The following MED24 variants were observed in gnomAD, a reference collection of about 807,000 sequenced individuals.
MED24 encodes the protein mediator complex subunit 24, also known as mediator of RNA polymerase II transcription subunit 24.
MED24 carries 74 observed loss-of-function variants against 118.8 expected under a neutral mutation model. The observed-to-expected ratio is 0.62, with a 90% confidence interval of 0.52 to 0.76. The LOEUF (loss-of-function observed/expected upper bound fraction) is 0.76, where lower values mean the gene tolerates loss of function less well. MED24 is among the 30% of genes least tolerant of loss of function. The pLI is 0.00. For synonymous variants in MED24, 521 were observed against 523.9 expected, an observed-to-expected ratio of 0.99 and a Z score of 0.08; for missense variants, 1,041 against 1,278.9, an observed-to-expected ratio of 0.81 and a Z score of 2.84.
intron 3 of MED24, among the ~76,000 whole-genome samples, chr17:40,043,382 G>A (rs1342198429): frequency 1.3e-5 from 2 of 152,188 alleles, no homozygotes; most frequent in African/African-American, 2.4e-5. Flanking sequence ...CCAGGTTCAA[G>A]AGGCTGAAGG....
At chr17:40,029,483 C>A (rs1485225797) in intron 13 of MED24, among the ~76,000 whole-genome samples, 2 of 152,212 alleles carry the variant, frequency 1.3e-5, no homozygotes, top group Non-Finnish European at 2.9e-5. Flanking sequence ...CAGGCGTGAG[C>A]CACCGCACCC....
Position 40,033,127 on chromosome 17 carries a change from C to T in MED24, c.751G>A (p.Glu251Lys), listed in dbSNP as rs1192817286. ...TCGCCTGTCAGGTTCATGGTGCCCT[C>T]GAGCAGGATCACGGCGTGGACAGTG... ...FPTVHAVILLEGTMNLTGETQ... is the reference protein window; with the variant it reads ...FPTVHAVILLKGTMNLTGETQ... Residue 251 changes from glutamate (E) to lysine (K), a missense_variant, in exon 8 of 26, where the codon GAG (glutamate) becomes AAG (lysine). Glu to Lys is a moderately conservative substitution (Grantham distance 56). Around this residue, in one of 3 missense-constraint regions of MED24, gnomAD observed 434 missense variants for 514.9 expected, o/e 0.84. Transcript: ENST00000394128. The surrounding 1 kb of genome is among the most constrained non-coding windows in gnomAD (Gnocchi z 5.2). 7.4e-6 allele frequency: 12 copies of T among 1,614,042 alleles called. No homozygotes were observed. The highest frequency in any genetic ancestry group is 4.0e-5 in the African/African-American group (3 of 74,936).
chr17:40,023,755 G>C, intron 19 of MED24: 1 of 213,602 alleles, frequency 4.7e-6, no homozygotes, highest in Non-Finnish European at 9.3e-6. Context: ...CTTCCCCCTA[G>C]GCTGAGTGCT....
Position 40,053,360 on chromosome 17 carries a change from T to C in MED24, c.151A>G (p.Met51Val), listed in dbSNP as rs1167861218. 1.2e-6 allele frequency: 2 copies of C among 1,613,312 alleles called. No individual in the cohort carries two copies. The highest frequency in any genetic ancestry group is 1.7e-6 in the Non-Finnish European group (2 of 1,179,508). ...NLADALLEQA[M>V]IGPSPNPLIL... ...AGAGGATTGGGGGATGGTCCAATCA[T>C]GGCCTGCTCTAGTAACGCATCTGCA... The change falls in exon 3 of 26, where the codon ATG (methionine) becomes GTG (valine). Residue 51 changes from methionine to valine, a missense_variant. Met to Val is a conservative substitution (Grantham distance 21). Around this residue, in one of 3 missense-constraint regions of MED24, gnomAD observed 434 missense variants for 514.9 expected, o/e 0.84. Transcript: ENST00000394128.
rs917337588 is a variant in MED24 at position 40,033,035 on chromosome 17, G to A, written c.822+21C>T. Reference sequence around the variant, plus strand: ...AGGCTGGCCTGCCTTGGAGAAGGGAGAGCCACTCGGCCCCTCCCACCTGCA... The same window carrying A: ...AGGCTGGCCTGCCTTGGAGAAGGGAAAGCCACTCGGCCCCTCCCACCTGCA... On this transcript the variant is annotated intron_variant, in intron 8 of 25. Coordinates refer to ENST00000394128, the MANE Select transcript of MED24 (RefSeq NM_014815.4). The surrounding 1 kb of genome is among the most constrained non-coding windows in gnomAD (Gnocchi z 5.2). 2 of 1,612,820 alleles carry A rather than the reference G, an allele frequency of 1.2e-6. No individual in the cohort carries two copies. Among genetic ancestry groups the A allele is most frequent in the Non-Finnish European group, 1.7e-6 (2 of 1,179,826 alleles).
At chr17:40,052,908 A>G (rs1343939327) in intron 3 of MED24, among the ~76,000 whole-genome samples, 1 of 152,038 alleles carries the variant, frequency 6.6e-6, no homozygotes. Context: ...TAAGCTGACA[A>G]TTGTACAACT....
rs2144910200 is a variant in MED24, at chr17:40,032,693, C to T, written c.892G>A (p.Glu298Lys). Residue 298 changes from glutamate (E) to lysine (K), a missense_variant, in exon 9 of 26, where the codon GAG (glutamate) becomes AAG (lysine). Around this residue, in one of 3 missense-constraint regions of MED24, gnomAD observed 434 missense variants for 514.9 expected, o/e 0.84. Transcript: ENST00000394128. ...GTCCACTTGAGCTCCTCCGTACCCT[C>T]GGGAGACTCAATGAGCCCCACGAAG... ...ACFVGLIESP[E>K]GTEELKWTAF... 5 of 1,613,906 alleles carry T rather than the reference C, an allele frequency of 3.1e-6. No homozygotes were observed. The highest frequency in any genetic ancestry group is 4.2e-6 in the Non-Finnish European group (5 of 1,179,974).
chr17:40,026,399 G>A, intron 18 of MED24, 68 bp from the exon 19 acceptor site: 6 of 1,563,558 alleles, frequency 3.8e-6, no homozygotes, highest in Non-Finnish European at 4.4e-6. Context: ...CACCTTCTCA[G>A]CCTCTGCGGG....
chr17:40,049,135 G>T (rs753111567), intron 3 of MED24, among the ~76,000 whole-genome samples: 22 of 152,002 alleles, frequency 1.4e-4, no homozygotes, highest in Admixed American at 3.3e-4. Context: ...GAGGCCAGGA[G>T]TTCAAGACCA....
At position 40,022,676 on chromosome 17, in the gene MED24, G is replaced by C. The variant is rs777962535; in HGVS notation, c.2401C>G (p.Leu801Val). Residue 801 changes from leucine to valine, a missense_variant, in exon 21 of 26, where the codon CTC becomes GTC. Leu to Val is a conservative substitution (Grantham distance 32). Transcript: ENST00000394128. ...AGAGCAGTGCCCGGGGGGTCCATGA[G>C]GCTGTGCCACTTGGAGGAGTCAGTG... ...LLTDSSKWHS[L>V]MDPPGTALAK... is the part of the protein sequence containing the mutation. 5 of 1,613,750 alleles carry C rather than the reference G, an allele frequency of 3.1e-6. No individual in the cohort carries two copies. Among genetic ancestry groups the C allele is most frequent in the Non-Finnish European group, 4.2e-6 (5 of 1,179,976 alleles).
In MED24 at chr17:40,019,944, TG is replaced by T; in HGVS notation, c.2705-12del. 6.4e-7 allele frequency: 1 copy of T among 1,556,954 alleles called. No individual in the cohort carries two copies. The highest frequency in any genetic ancestry group is 8.7e-7 in the Non-Finnish European group (1 of 1,150,608). ...GCAGGAACAGGTTGGCTGTAGAGAGTGGGGGGAGAGTGACAGGAGGGAGTTC... is the reference window on the plus strand; with the variant it reads ...GCAGGAACAGGTTGGCTGTAGAGAGTGGGGGAGAGTGACAGGAGGGAGTTC... On this transcript the variant is annotated splice_polypyrimidine_tract_variant and intron_variant, in intron 24 of 25. Transcript: ENST00000394128.
chr17:40,043,326 T>G (rs1160461200), intron 3 of MED24, among the ~76,000 whole-genome samples: 6 of 152,158 alleles, frequency 3.9e-5, no homozygotes, highest in African/African-American at 7.2e-5. Flanking sequence ...GCCTCTTGAC[T>G]GGCTCACCAA....
chr17:40,026,790 G>T (rs759572786), intron 17 of MED24, 44 bp from the exon 18 acceptor site: 3 of 1,611,224 alleles, frequency 1.9e-6, no homozygotes, highest in Non-Finnish European at 2.5e-6. Flanking sequence ...CAAGGAACGG[G>T]CTCAGGGAGC....
intron 13 of MED24, 52 bp from the exon 14 acceptor site, chr17:40,029,020 C>A (rs779181744): frequency 6.2e-7 from 1 of 1,611,106 alleles, no homozygotes; most frequent in Non-Finnish European, 8.5e-7. Flanking sequence ...GACCCCCCAC[C>A]CAAGATACAG....
At chr17:40,046,521 G>A (rs1233255799) in intron 3 of MED24, among the ~76,000 whole-genome samples, 8 of 149,828 alleles carry the variant, frequency 5.3e-5, no homozygotes, top group Non-Finnish European at 7.5e-5. Flanking sequence ...CGAGGCGGGC[G>A]GATCATGAGG....
chr17:40,050,086 G>A (rs1300793144), intron 3 of MED24, among the ~76,000 whole-genome samples: 1 of 150,272 alleles, frequency 6.7e-6, no homozygotes, highest in African/African-American at 2.5e-5. Flanking sequence ...AGGAGATGGA[G>A]GTTGCAGTGA....
At position 40,031,245 on chromosome 17, in the gene MED24, G is replaced by A. The variant is rs761887033; in HGVS notation, c.1068C>T (p.Asn356=). ...PLLDKADQRC[N]CDCTNFLLQE... is the part of the protein sequence containing the mutation. ...GGAGCAGGAAGTTTGTACAGTCACA[G>A]CTGTGAGGGAGAAAGATGCTGAGGG... is the stretch of plus-strand genomic sequence containing the variant. The change falls in exon 12 of 26, where the codon AAC becomes AAT. Residue 356 remains asparagine, a splice_region_variant and synonymous_variant. Transcript: ENST00000394128. 2 of 1,563,218 alleles carry A rather than the reference G, an allele frequency of 1.3e-6. No homozygotes were observed. Among genetic ancestry groups the A allele is most frequent in the African/African-American group, 1.4e-5 (1 of 73,854 alleles).
chr17:40,047,345 C>CA (rs1985339185), intron 3 of MED24, among the ~76,000 whole-genome samples: 1 of 152,028 alleles, frequency 6.6e-6, no homozygotes, highest in African/African-American at 2.4e-5. Flanking sequence ...ATGCTGGTGA[C>CA]ATGGGTACAT....
At chr17:40,053,141 C>T (rs1013913163) in intron 3 of MED24, among the ~76,000 whole-genome samples, 157 bp downstream of exon 3, 7 of 152,020 alleles carry the variant, frequency 4.6e-5, no homozygotes, top group African/African-American at 1.4e-4. Context: ...TGCCATGTTA[C>T]GCAGGCTGGT....
Sources: allele counts gnomAD v4.1 joint callset (sites outside exome capture counted in the v4.1 genomes callset), GRCh38; gene constraint gnomAD v4.1.1; regional missense constraint gnomAD v4.1.1; non-coding constraint Gnocchi (gnomAD v3.1); transcripts MANE v1.5; gene names NCBI Gene and HGNC (gene_info 2026-07-23, HGNC 2026-07-21).